Variants in PLXNA4 observed in about 807,000 individuals in gnomAD.
PLXNA4 encodes plexin A4.
In PLXNA4, 44 loss-of-function variants were observed where a neutral mutation model predicts 191.8. The observed-to-expected ratio is 0.23, with a 90% CI of 0.18 to 0.29. The LOEUF (loss-of-function observed/expected upper bound fraction) is 0.29. PLXNA4 is among the 10% of genes least tolerant of loss of function. PLXNA4 has a pLI of 1.00. For synonymous variants in PLXNA4, 1,082 were observed against 1,009.5 expected (o/e 1.07, Z -1.36); for missense variants, 1,800 against 2,488.8 (o/e 0.72, Z 5.89).
chr7:132,347,926 T>C (rs1803313732), intron 3 of PLXNA4, among the ~76,000 whole-genome samples: 1 of 152,158 alleles, frequency 6.6e-6, no homozygotes, highest in Admixed American at 6.6e-5. Context: ...CAGAGAGGCA[T>C]GGGCACTATG....
At chr7:132,219,358 T>C (rs1798069769) in intron 9 of PLXNA4, among the ~76,000 whole-genome samples, 1 of 152,198 alleles carries the variant, frequency 6.6e-6, no homozygotes, top group Admixed American at 6.5e-5. Flanking sequence ...TTTTTGGGCA[T>C]GGATTTATCT....
chr7:132,193,917 T>A, intron 14 of PLXNA4, 145 bp downstream of exon 14: 1 of 1,059,394 alleles, frequency 9.4e-7, no homozygotes, highest in Non-Finnish European at 1.3e-6. Context: ...TCACTCACTA[T>A]AAGACAGGAG....
intron 2 of PLXNA4, among the ~76,000 whole-genome samples, chr7:132,496,301 A>G (rs1675735181): frequency 6.6e-6 from 1 of 152,242 alleles, no homozygotes; most frequent in Admixed American, 6.5e-5. Flanking sequence ...TGGGGCCTGG[A>G]GAGTGAGGTG....
rs758140704 is a variant in PLXNA4 at position 132,507,806 on chromosome 7, C to T, written c.888G>A (p.Val296=). The change falls in exon 2 of 32, where the codon GTG becomes GTA. Residue 296 remains valine, a synonymous_variant. Coordinates refer to ENST00000321063, the MANE Select transcript of PLXNA4 (RefSeq NM_020911.2). Reference sequence around the variant, plus strand: ...CCCCACTGCGCTCACAGCCAATGGGCACCTCTACATAGGAGTTGAAGGCTG... The same window carrying T: ...CCCCACTGCGCTCACAGCCAATGGGTACCTCTACATAGGAGTTGAAGGCTG... ...EDTAFNSYVE[V]PIGCERSGVE... is the part of the protein sequence containing the mutation. 9.3e-6 allele frequency: 15 copies of T among 1,614,164 alleles called. No individual in the cohort carries two copies. The East Asian group carries it at 3.3e-4, about 36-fold the overall frequency.
chr7:132,486,831 C>T (rs1360944615), intron 3 of PLXNA4, among the ~76,000 whole-genome samples: 2 of 152,176 alleles, frequency 1.3e-5, no homozygotes, highest in South Asian at 2.1e-4. Context: ...GCCTGCCTGA[C>T]CGACTGCTGG....
chr7:132,614,407 G>A (rs1803111015), intron 2 of PLXNA4, among the ~76,000 whole-genome samples: 1 of 152,216 alleles, frequency 6.6e-6, no homozygotes, highest in African/African-American at 2.4e-5. Flanking sequence ...AGCGGGAGTG[G>A]GTTTAAGCAG....
intron 3 of PLXNA4, among the ~76,000 whole-genome samples, chr7:132,390,781 T>C (rs1414041187): frequency 6.6e-6 from 1 of 152,230 alleles, no homozygotes; most frequent in East Asian, 1.9e-4. Context: ...CAGCAGGCAC[T>C]TGCACTCCTT....
At chr7:132,557,980 G>A (rs997705557) in intron 1 of PLXNA4, among the ~76,000 whole-genome samples, 1 of 152,184 alleles carries the variant, frequency 6.6e-6, no homozygotes, top group African/African-American at 2.4e-5. Context: ...TGGGTCCAGA[G>A]GGAACTGCAA....
Position 132,202,683 on chromosome 7 carries a change from C to A in PLXNA4, c.2549G>T (p.Gly850Val). Reference sequence around the variant, plus strand: ...GGGGTTTGTGCACTTGCTTTTGGCACCAGACAGCTCCAGCCACTGGCTCTC... The same window carrying A: ...GGGGTTTGTGCACTTGCTTTTGGCAACAGACAGCTCCAGCCACTGGCTCTC... ...AQESQWLELSGAKSKCTNPRI... is the reference protein window; with the variant it reads ...AQESQWLELSVAKSKCTNPRI... Residue 850 changes from glycine to valine, a missense_variant, in exon 12 of 32, where the codon GGT becomes GTT. This residue lies in a region of PLXNA4 where 1,397 missense variants were observed against 1,880.4 expected (regional missense o/e 0.74). Transcript: ENST00000321063. 6.4e-7 allele frequency: 1 copy of A among 1,561,642 alleles called. No individual in the cohort carries two copies. Among genetic ancestry groups the A allele is most frequent in the South Asian group, 1.2e-5 (1 of 83,738 alleles).
intron 3 of PLXNA4, among the ~76,000 whole-genome samples, chr7:132,320,285 C>T (rs942392667): frequency 6.6e-6 from 1 of 152,194 alleles, no homozygotes; most frequent in African/African-American, 2.4e-5. Flanking sequence ...ATTGCCTCTT[C>T]CCACCTCCAG....
At chr7:132,273,429 T>C (rs117761861) in intron 4 of PLXNA4, among the ~76,000 whole-genome samples, 1 of 152,148 alleles carries the variant, frequency 6.6e-6, no homozygotes, top group Admixed American at 6.5e-5. Context: ...ACCTTGAGAA[T>C]TGCACCCAGC....
chr7:132,612,537 A>C (rs982846374), intron 2 of PLXNA4, among the ~76,000 whole-genome samples: 1 of 151,918 alleles, frequency 6.6e-6, no homozygotes. Context: ...GGTGGTGCAC[A>C]ACTGTAATCC....
intron 2 of PLXNA4, among the ~76,000 whole-genome samples, chr7:132,497,400 G>A (rs1451003045): frequency 6.6e-6 from 1 of 152,170 alleles, no homozygotes; most frequent in Admixed American, 6.5e-5. Context: ...TCCACCCCTT[G>A]AGATGACATC....
intron 1 of PLXNA4, among the ~76,000 whole-genome samples, chr7:132,648,038 CAT>C (rs893842081): frequency 8.5e-5 from 13 of 152,112 alleles, no homozygotes; most frequent in Admixed American, 2.0e-4. Context: ...CACACACAGT[CAT>C]ATATATACTC....
At chr7:132,534,715 A>T (rs1464145933) in intron 1 of PLXNA4, among the ~76,000 whole-genome samples, 2 of 152,202 alleles carry the variant, frequency 1.3e-5, no homozygotes, top group Non-Finnish European at 2.9e-5. Flanking sequence ...TTCTATTTAA[A>T]TCTATTTGTA....
chr7:132,571,796 C>A (rs1334128764), intron 1 of PLXNA4, among the ~76,000 whole-genome samples: 3 of 152,088 alleles, frequency 2.0e-5, no homozygotes, highest in Admixed American at 2.0e-4. Context: ...GAATTGGAGC[C>A]TCATAGAGTC....
chr7:132,551,275 T>C (rs572623928), intron 1 of PLXNA4, among the ~76,000 whole-genome samples: 2 of 152,194 alleles, frequency 1.3e-5, no homozygotes, highest in East Asian at 1.9e-4. Context: ...CAGTGGGAAA[T>C]TGAGAAGCCC....
intron 25 of PLXNA4, among the ~76,000 whole-genome samples, chr7:132,157,418 G>A (rs1795829821): frequency 6.6e-6 from 1 of 152,194 alleles, no homozygotes; most frequent in South Asian, 2.1e-4. Flanking sequence ...TTGCCTTGCT[G>A]GGCTTGCACT....
intron 2 of PLXNA4, among the ~76,000 whole-genome samples, chr7:132,603,243 T>C (rs982680032): frequency 3.0e-5 from 4 of 131,518 alleles, no homozygotes; most frequent in African/African-American, 1.4e-4. Flanking sequence ...CTGTATTCTC[T>C]TTATTGAAAA....
Sources: gnomAD v4.1 joint callset for allele counts (sites outside exome capture counted in the v4.1 genomes callset) on GRCh38, gnomAD v4.1.1 for gene constraint, gnomAD v4.1.1 regional missense constraint, MANE v1.5 for transcripts, NCBI Gene and HGNC (gene_info 2026-07-23, HGNC 2026-07-21) for gene names.